The following SGIP1 variants were observed in gnomAD, a reference collection of about 807,000 sequenced individuals.
SGIP1 encodes the protein SH3-containing GRB2-like protein 3-interacting protein 1.
In SGIP1, 38 loss-of-function variants were observed where a neutral mutation model predicts 107.5. That is an observed-to-expected ratio of 0.35 (90% confidence interval 0.27 to 0.46). The LOEUF (loss-of-function observed/expected upper bound fraction) is 0.46, where lower values mean the gene tolerates loss of function less well. Ranked by LOEUF, SGIP1 falls within the 20% of genes least tolerant of loss-of-function variation. The pLI is 1.00. For missense variants in SGIP1, 929 were observed against 1,019.5 expected, an observed-to-expected ratio of 0.91 and a Z score of 1.21; for synonymous variants, 365 against 366.1, an observed-to-expected ratio of 1.00 and a Z score of 0.03.
At chr1:66,731,377 C>A (rs1163063933) in intron 20 of SGIP1, among the ~76,000 whole-genome samples, 1 of 152,090 alleles carries the variant, frequency 6.6e-6, no homozygotes, top group Non-Finnish European at 1.5e-5. Flanking sequence ...TGTTGCATTG[C>A]ATTTTTAGGC....
At chr1:66,685,249 A>G (rs751985636) in intron 15 of SGIP1, among the ~76,000 whole-genome samples, 34 of 152,386 alleles carry the variant, frequency 2.2e-4, no homozygotes, top group Non-Finnish European at 4.3e-4. Flanking sequence ...ATTCACAGCA[A>G]GGTGATTGTC....
rs1373360763 is a variant in SGIP1, at chr1:66,565,845, A to G, written c.10+31477A>G. Reference sequence around the variant, plus strand: ...TTGCCTTCGCTCTTGTAGAATATAAAGTGTAGGTTTTCAAGAAAAACATTA... The same window carrying G: ...TTGCCTTCGCTCTTGTAGAATATAAGGTGTAGGTTTTCAAGAAAAACATTA... On this transcript the variant is annotated intron_variant, in intron 1 of 24. Coordinates refer to ENST00000371037, the MANE Select transcript of SGIP1 (RefSeq NM_032291.4). Among the ~76,000 whole-genome samples the G allele has an allele frequency of 4.6e-5, 7 of 152,150 alleles. No homozygotes were observed. The East Asian group carries it at 1.4e-3, about 30-fold the overall frequency.
chr1:66,554,490 G>A (rs187558520), intron 1 of SGIP1, among the ~76,000 whole-genome samples: 42 of 152,166 alleles, frequency 2.8e-4, no homozygotes, highest in Non-Finnish European at 4.9e-4. Context: ...GCCTTAAAAT[G>A]TGAAAATTTT....
intron 1 of SGIP1, among the ~76,000 whole-genome samples, chr1:66,553,870 G>A (rs1236544680): frequency 3.9e-5 from 6 of 152,018 alleles, no homozygotes; most frequent in Admixed American, 2.0e-4. Flanking sequence ...TGATGTTGGA[G>A]TTTCCTTCCA....
At chr1:66,575,724 G>T (rs1557940476) in intron 1 of SGIP1, among the ~76,000 whole-genome samples, 1 of 152,088 alleles carries the variant, frequency 6.6e-6, no homozygotes, top group Non-Finnish European at 1.5e-5. Context: ...ATAGTTTGTG[G>T]TAATATCATA....
chr1:66,595,301 T>A (rs1570299929), intron 1 of SGIP1, among the ~76,000 whole-genome samples: 1 of 151,224 alleles, frequency 6.6e-6, no homozygotes, highest in African/African-American at 2.5e-5. Flanking sequence ...GTTCTCTTCC[T>A]GCTGAGCCTG....
At chr1:66,536,836 G>C (rs542246755) in intron 1 of SGIP1, among the ~76,000 whole-genome samples, 1 of 152,160 alleles carries the variant, frequency 6.6e-6, no homozygotes, top group Non-Finnish European at 1.5e-5. Context: ...ATTTGCACTC[G>C]TGTGGCTGTA....
intron 7 of SGIP1, chr1:66,660,266 A>C: frequency 2.1e-6 from 1 of 475,968 alleles, no homozygotes; most frequent in Non-Finnish European, 3.6e-6. Context: ...GAAGGGAGGA[A>C]AGAGCAAGTT....
chr1:66,578,551 G>A (rs1312450449), intron 1 of SGIP1, among the ~76,000 whole-genome samples: 1 of 152,148 alleles, frequency 6.6e-6, no homozygotes, highest in Non-Finnish European at 1.5e-5. Context: ...TTTTTCTTAA[G>A]GGGGTATTGA....
chr1:66,578,837 A>T (rs377602385), intron 1 of SGIP1, among the ~76,000 whole-genome samples: 1 of 152,040 alleles, frequency 6.6e-6, no homozygotes, highest in Non-Finnish European at 1.5e-5. Flanking sequence ...ACACCCGACT[A>T]ATTTTGTATT....
intron 18 of SGIP1, among the ~76,000 whole-genome samples, chr1:66,709,711 G>T (rs1483409774): frequency 6.6e-6 from 1 of 152,118 alleles, no homozygotes; most frequent in Non-Finnish European, 1.5e-5. Flanking sequence ...CTTAACAGAA[G>T]CTTCTTGACT....
intron 1 of SGIP1, among the ~76,000 whole-genome samples, chr1:66,622,050 C>CTCACCTATA: frequency 6.6e-6 from 1 of 152,208 alleles, no homozygotes. Flanking sequence ...TGTGCTGGGC[C>CTCACCTATA]TCACCTATAA....
chr1:66,724,285 A>C (rs186135171), intron 19 of SGIP1, among the ~76,000 whole-genome samples: 10 of 152,250 alleles, frequency 6.6e-5, no homozygotes, highest in African/African-American at 2.4e-4. Context: ...GATTCACATG[A>C]TTTCTTATTT....
chr1:66,621,720 T>C (rs149429515), intron 1 of SGIP1, among the ~76,000 whole-genome samples: 10 of 152,360 alleles, frequency 6.6e-5, no homozygotes, highest in African/African-American at 2.4e-4. Flanking sequence ...TGCGTTTGGC[T>C]CCCTTCATTT....
At chr1:66,659,566 AT>A (rs144663516) in intron 7 of SGIP1, among the ~76,000 whole-genome samples, 1 of 152,074 alleles carries the variant, frequency 6.6e-6, no homozygotes, top group South Asian at 2.1e-4. Flanking sequence ...ACAAGGCATA[AT>A]TTTTTTATTG....
At chr1:66,601,117 A>G (rs1245488992) in intron 1 of SGIP1, among the ~76,000 whole-genome samples, 1 of 152,162 alleles carries the variant, frequency 6.6e-6, no homozygotes, top group Non-Finnish European at 1.5e-5. Flanking sequence ...TAATCCCAGC[A>G]CTTTGGCAGG....
At chr1:66,547,217 A>AT (rs1015347611) in intron 1 of SGIP1, among the ~76,000 whole-genome samples, 12 of 151,074 alleles carry the variant, frequency 7.9e-5, no homozygotes, top group Non-Finnish European at 1.2e-4. Context: ...TCTACAAATG[A>AT]TTTTTTTTTC....
chr1:66,740,870 CA>C (rs1383328135), intron 23 of SGIP1, 148 bp downstream of exon 23: 3 of 614,684 alleles, frequency 4.9e-6, no homozygotes, highest in Non-Finnish European at 8.5e-6. Flanking sequence ...TTAATAAAAG[CA>C]AATAATTCTT....
intron 1 of SGIP1, among the ~76,000 whole-genome samples, chr1:66,558,125 C>T (rs79854226): frequency 6.6e-6 from 1 of 151,948 alleles, no homozygotes; most frequent in Non-Finnish European, 1.5e-5. Flanking sequence ...ACCATGAAGC[C>T]GTTATAGACC....
Sources: allele counts gnomAD v4.1 joint callset (sites outside exome capture counted in the v4.1 genomes callset), GRCh38; gene constraint gnomAD v4.1.1; transcripts MANE v1.5; gene names NCBI Gene and HGNC (gene_info 2026-07-23, HGNC 2026-07-21).